Variants in LRRFIP1 observed in about 807,000 individuals in gnomAD.
The protein encoded by LRRFIP1 is leucine-rich repeat flightless-interacting protein 1.
In LRRFIP1, 62 loss-of-function variants were observed where a neutral mutation model predicts 104.4. The observed-to-expected ratio is 0.59, with a 90% CI of 0.48 to 0.73. The LOEUF (loss-of-function observed/expected upper bound fraction) is 0.73, where lower values mean the gene tolerates loss of function less well. Among genes scored for constraint, LRRFIP1 ranks in the 30% least tolerant of loss-of-function variants. LRRFIP1 has a pLI of 0.00. For missense variants in LRRFIP1, 796 were observed against 824.5 expected, an observed-to-expected ratio of 0.97 and a Z score of 0.42; for synonymous variants, 300 against 299.0, an observed-to-expected ratio of 1.00 and a Z score of -0.03.
At chr2:237,764,057 G>C in intron 19 of LRRFIP1, 1 of 1,614,214 alleles carries the variant, frequency 6.2e-7, no homozygotes, top group Non-Finnish European at 8.5e-7. Flanking sequence ...AAGAGAGCCA[G>C]GGCACTTCAA....
At chr2:237,724,910 A>G (rs1028649080) in intron 7 of LRRFIP1, among the ~76,000 whole-genome samples, 4 of 152,020 alleles carry the variant, frequency 2.6e-5, no homozygotes, top group Admixed American at 2.6e-4. Flanking sequence ...TTCCATCTCT[A>G]ATGCCCTTTA....
chr2:237,660,681 T>G (rs2087742067), intron 1 of LRRFIP1, among the ~76,000 whole-genome samples: 1 of 152,214 alleles, frequency 6.6e-6, no homozygotes, highest in Non-Finnish European at 1.5e-5. Context: ...CAAATTTGTC[T>G]GCCATAAAGG....
chr2:237,749,318 A>T lies in LRRFIP1; in HGVS notation c.789A>T (p.Glu263Asp). 1.2e-6 allele frequency: 2 copies of T among 1,613,714 alleles called. No homozygotes were observed. Among genetic ancestry groups the T allele is most frequent in the East Asian group, 4.5e-5 (2 of 44,870 alleles). ...ISIDTEASIR[E>D]IKELNELKDQ... ...TCGACACCGAGGCATCCATCAGGGAAATCAAGGTGAGATGCTCTCTTCTTA... is the reference window on the plus strand; with the variant it reads ...TCGACACCGAGGCATCCATCAGGGATATCAAGGTGAGATGCTCTCTTCTTA... The change falls in exon 13 of 24, where the codon GAA becomes GAT. Residue 263 changes from glutamate to aspartate, a missense_variant. Glu to Asp is a conservative substitution (Grantham distance 45, BLOSUM62 2). Transcript: ENST00000308482.
chr2:237,714,359 C>G, intron 3 of LRRFIP1, 83 bp downstream of exon 3: 2 of 1,069,736 alleles, frequency 1.9e-6, no homozygotes, highest in Non-Finnish European at 2.8e-6. Flanking sequence ...AGAAATAACA[C>G]CTTGCACTGA....
chr2:237,645,326 C>T (rs569207572), intron 1 of LRRFIP1, among the ~76,000 whole-genome samples: 2 of 152,344 alleles, frequency 1.3e-5, no homozygotes, highest in South Asian at 4.1e-4. Context: ...CTGGAGTTGT[C>T]GTGGCTCAGC....
At chr2:237,700,892 A>G (rs917342298) in intron 1 of LRRFIP1, among the ~76,000 whole-genome samples, 1 of 152,296 alleles carries the variant, frequency 6.6e-6, no homozygotes, top group Non-Finnish European at 1.5e-5. Flanking sequence ...GTGACGTCAG[A>G]GTATTTCTCA....
At chr2:237,745,358 T>C (rs2057697159) in intron 11 of LRRFIP1, among the ~76,000 whole-genome samples, 1 of 152,224 alleles carries the variant, frequency 6.6e-6, no homozygotes, top group South Asian at 2.1e-4. Context: ...GCCATCACCT[T>C]TCAACAAGAG....
intron 1 of LRRFIP1, among the ~76,000 whole-genome samples, chr2:237,669,907 G>A (rs1204783208): frequency 1.3e-5 from 2 of 152,086 alleles, no homozygotes; most frequent in Admixed American, 1.3e-4. Context: ...CTCGCACGTT[G>A]CTTTTGGGAG....
chr2:237,654,114 A>T (rs545054905), intron 1 of LRRFIP1, among the ~76,000 whole-genome samples: 15 of 152,354 alleles, frequency 9.8e-5, no homozygotes, highest in African/African-American at 3.6e-4. Flanking sequence ...TGCATCTGTT[A>T]AGGGGTTAAT....
At chr2:237,680,600 C>T (rs1333118058) in intron 1 of LRRFIP1, among the ~76,000 whole-genome samples, 1 of 152,162 alleles carries the variant, frequency 6.6e-6, no homozygotes. Context: ...GGTCCTAGAA[C>T]CAATGCCCCT....
intron 8 of LRRFIP1, among the ~76,000 whole-genome samples, chr2:237,728,234 C>A (rs1204294895): frequency 6.6e-6 from 1 of 152,126 alleles, no homozygotes; most frequent in Admixed American, 6.5e-5. Context: ...TTACTGTATT[C>A]CCCTGGGTGT....
chr2:237,692,556 G>T (rs991230852), intron 1 of LRRFIP1: 28 of 1,486,498 alleles, frequency 1.9e-5, no homozygotes, highest in Non-Finnish European at 2.4e-5. Context: ...TTTCTTTCGT[G>T]ACTGCGGCGG....
chr2:237,672,655 C>G (rs1335722762), intron 1 of LRRFIP1, among the ~76,000 whole-genome samples: 5 of 152,166 alleles, frequency 3.3e-5, no homozygotes, highest in East Asian at 1.9e-4. Context: ...AATATTGAAC[C>G]ATTTTTTCAA....
intron 19 of LRRFIP1, among the ~76,000 whole-genome samples, chr2:237,761,029 G>A (rs10929247): frequency 0.12 from 18,162 of 152,168 alleles, 2,146 homozygotes; most frequent in African/African-American, 0.3. Flanking sequence ...CACCCTCTGC[G>A]TTCCAGTGTT....
intron 11 of LRRFIP1, among the ~76,000 whole-genome samples, chr2:237,739,956 T>C (rs982215535): frequency 6.6e-6 from 1 of 151,924 alleles, no homozygotes; most frequent in African/African-American, 2.4e-5. Context: ...CTGGGGCTTG[T>C]GGGAATGGAG....
chr2:237,694,116 A>T (rs766647512), intron 1 of LRRFIP1, among the ~76,000 whole-genome samples: 1 of 152,176 alleles, frequency 6.6e-6, no homozygotes, highest in Non-Finnish European at 1.5e-5. Context: ...GCCCTGTCCA[A>T]TGGGGGGCTA....
At chr2:237,725,557 A>T (rs1013121225) in intron 7 of LRRFIP1, among the ~76,000 whole-genome samples, 1 of 152,202 alleles carries the variant, frequency 6.6e-6, no homozygotes, top group African/African-American at 2.4e-5. Flanking sequence ...AGTGTTCTTT[A>T]AGAAGGTCAA....
intron 8 of LRRFIP1, among the ~76,000 whole-genome samples, chr2:237,731,439 C>G (rs2150329528): frequency 6.6e-6 from 1 of 152,136 alleles, no homozygotes; most frequent in Middle Eastern, 3.4e-3. Context: ...CTCAACCCTT[C>G]CCATAGTCCC....
Position 237,711,793 on chromosome 2 carries a change from G to A in LRRFIP1, c.184-2466G>A, listed in dbSNP as rs537584820. On this transcript the variant is annotated intron_variant, in intron 2 of 23. Coordinates refer to ENST00000308482, the MANE Select transcript of LRRFIP1 (RefSeq NM_001137550.2). This position sits in a 1 kb window ranked among gnomAD's most constrained non-coding sequence, Gnocchi z 4.4. ...ACCGAGTGAAGCAGCTCTACCGGGG[G>A]GTGGGGAAGCCACTCCTTGTGGCAG... 3.9e-5 allele frequency among the ~76,000 whole-genome samples: 6 copies of A among 152,274 alleles called. No homozygotes were observed. The highest frequency in any genetic ancestry group is 1.4e-4 in the African/African-American group (6 of 41,564).
Sources: allele counts gnomAD v4.1 joint callset (sites outside exome capture counted in the v4.1 genomes callset), GRCh38; gene constraint gnomAD v4.1.1; non-coding constraint Gnocchi (gnomAD v3.1); transcripts MANE v1.5; gene names NCBI Gene and HGNC (gene_info 2026-07-23, HGNC 2026-07-21).